MYRIP: variants seen among roughly 807,000 people sequenced by gnomAD.
MYRIP encodes the protein rab effector MyRIP.
In MYRIP, 49 loss-of-function variants were observed where a neutral mutation model predicts 98.0. The ratio of observed to expected loss-of-function variants is 0.50; its 90% CI spans 0.40 to 0.63. The LOEUF is 0.63. MYRIP is among the 30% of genes least tolerant of loss of function. MYRIP has a pLI of 0.00. For missense variants in MYRIP, 1,004 were observed against 1,058.2 expected, an observed-to-expected ratio of 0.95 and a Z score of 0.71; for synonymous variants, 404 against 409.5, an observed-to-expected ratio of 0.99 and a Z score of 0.16.
At chr3:40,249,481 T>G (rs1320641448) in intron 13 of MYRIP, among the ~76,000 whole-genome samples, 1 of 152,222 alleles carries the variant, frequency 6.6e-6, no homozygotes, top group Non-Finnish European at 1.5e-5. Context: ...TGGTACTTAC[T>G]TCATAGAATT....
At chr3:39,826,571 A>G (rs1264409702) in intron 1 of MYRIP, among the ~76,000 whole-genome samples, 1 of 152,166 alleles carries the variant, frequency 6.6e-6, no homozygotes, top group Non-Finnish European at 1.5e-5. Flanking sequence ...GTGTCCTAAC[A>G]TATGGTCAGC....
chr3:40,196,075 T>C (rs1202848215), intron 10 of MYRIP, among the ~76,000 whole-genome samples: 2 of 152,078 alleles, frequency 1.3e-5, no homozygotes, highest in African/African-American at 4.8e-5. Context: ...ATGCATCCTC[T>C]AGTTTATAGA....
chr3:40,010,951 G>A (rs1946749404), intron 2 of MYRIP, among the ~76,000 whole-genome samples: 1 of 152,062 alleles, frequency 6.6e-6, no homozygotes, highest in African/African-American at 2.4e-5. Context: ...GCATATATGT[G>A]AATAACCCAT....
At chr3:39,844,127 C>T (rs1457682251) in intron 1 of MYRIP, among the ~76,000 whole-genome samples, 1 of 152,170 alleles carries the variant, frequency 6.6e-6, no homozygotes. Flanking sequence ...AAGGTTCACC[C>T]ACATGCCTCT....
intron 2 of MYRIP, among the ~76,000 whole-genome samples, chr3:39,908,130 G>A (rs1286541721): frequency 4.6e-5 from 7 of 152,192 alleles, no homozygotes; most frequent in Admixed American, 4.6e-4. Context: ...GGTCTGTGGA[G>A]TAGCAGGGGT....
At chr3:40,159,746 C>T (rs1328708118) in intron 4 of MYRIP, among the ~76,000 whole-genome samples, 4 of 152,154 alleles carry the variant, frequency 2.6e-5, no homozygotes, top group Non-Finnish European at 5.9e-5. Context: ...TCATTCATTT[C>T]ATCTTCCATC....
chr3:39,863,688 A>G (rs961536973), intron 1 of MYRIP, among the ~76,000 whole-genome samples: 2 of 152,204 alleles, frequency 1.3e-5, no homozygotes, highest in Non-Finnish European at 2.9e-5. Context: ...ACCATCCAGA[A>G]AAAGCTCAGG....
chr3:39,821,184 G>GC, intron 1 of MYRIP, among the ~76,000 whole-genome samples: 1 of 152,306 alleles, frequency 6.6e-6, no homozygotes, highest in South Asian at 2.1e-4. Context: ...AGAAGGATGT[G>GC]CTCTGCATGT....
At chr3:39,967,691 C>T (rs1050830387) in intron 2 of MYRIP, among the ~76,000 whole-genome samples, 3 of 152,158 alleles carry the variant, frequency 2.0e-5, no homozygotes, top group Admixed American at 6.6e-5. Context: ...CTAATTTACA[C>T]TCCCACTAAC....
At chr3:40,174,152 C>A (rs1023654024) in intron 8 of MYRIP, 1 of 152,140 alleles carries the variant, frequency 6.6e-6, no homozygotes, top group African/African-American at 2.4e-5. Context: ...TGACACATAC[C>A]CTTGGGTGAG....
chr3:40,083,659 A>G (rs1329959434), intron 3 of MYRIP, among the ~76,000 whole-genome samples: 1 of 152,174 alleles, frequency 6.6e-6, no homozygotes, highest in Admixed American at 6.5e-5. Flanking sequence ...AAAAAAATTG[A>G]AAGCACATAG....
chr3:39,998,086 G>A (rs1324027819), intron 2 of MYRIP, among the ~76,000 whole-genome samples: 1 of 151,956 alleles, frequency 6.6e-6, no homozygotes, highest in Non-Finnish European at 1.5e-5. Flanking sequence ...CATACTGAAT[G>A]GGCAAAAACT....
At chr3:39,928,121 A>G (rs1158524744) in intron 2 of MYRIP, among the ~76,000 whole-genome samples, 1 of 151,976 alleles carries the variant, frequency 6.6e-6, no homozygotes, top group African/African-American at 2.4e-5. Flanking sequence ...AAGTTACTAT[A>G]ACTCACTCAA....
chr3:40,075,850 C>G (rs1390571068), intron 3 of MYRIP, among the ~76,000 whole-genome samples: 1 of 152,048 alleles, frequency 6.6e-6, no homozygotes, highest in East Asian at 1.9e-4. Flanking sequence ...ACAGTTTTGT[C>G]TGTATTCCTT....
chr3:40,106,953 G>A (rs1454336330), intron 3 of MYRIP, among the ~76,000 whole-genome samples: 1 of 151,614 alleles, frequency 6.6e-6, no homozygotes, highest in African/African-American at 2.4e-5. Flanking sequence ...CATATAATTG[G>A]ATATTGATTT....
intron 2 of MYRIP, among the ~76,000 whole-genome samples, chr3:40,029,124 G>A (rs962953201): frequency 3.9e-5 from 6 of 152,040 alleles, no homozygotes; most frequent in African/African-American, 4.8e-5. Flanking sequence ...CTGAGATATC[G>A]ATATAAGCCA....
At chr3:40,218,612 T>TTTATATATATATATATA (rs1337574787) in intron 11 of MYRIP, among the ~76,000 whole-genome samples, 12 of 13,554 alleles carry the variant, frequency 8.9e-4, no homozygotes, top group Non-Finnish European at 2.9e-3. Flanking sequence ...TATATATATT[T>TTTATATATATATATATA]TATATATATA....
intron 1 of MYRIP, among the ~76,000 whole-genome samples, chr3:39,865,761 G>A (rs1942601420): frequency 6.6e-6 from 1 of 152,184 alleles, no homozygotes; most frequent in South Asian, 2.1e-4. Flanking sequence ...CTGGAAAGCA[G>A]TGTGGTGATT....
At chr3:40,153,099 A>T (rs1205473297) in intron 4 of MYRIP, among the ~76,000 whole-genome samples, 1 of 151,400 alleles carries the variant, frequency 6.6e-6, no homozygotes, top group Non-Finnish European at 1.5e-5. Flanking sequence ...AGCCTGGGTG[A>T]CAGAGCAAGA....
Sources: gnomAD v4.1 joint callset for allele counts (sites outside exome capture counted in the v4.1 genomes callset) on GRCh38, gnomAD v4.1.1 for gene constraint, MANE v1.5 for transcripts, NCBI Gene and HGNC (gene_info 2026-07-23, HGNC 2026-07-21) for gene names.